Variants in CREBRF observed in about 807,000 individuals in gnomAD.
CREBRF encodes the protein CREB3 regulatory factor, also known as UPF0474 protein C5orf41.
CREBRF carries 5 observed loss-of-function variants against 66.1 expected under a neutral mutation model. The observed-to-expected ratio is 0.08, with a 90% CI of 0.04 to 0.16. The LOEUF (loss-of-function observed/expected upper bound fraction) is 0.16. Ranked by LOEUF, CREBRF falls within the 10% of genes least tolerant of loss-of-function variation. The pLI, the probability that CREBRF is intolerant of heterozygous loss-of-function variation, is 1.00. For synonymous variants in CREBRF, 229 were observed against 264.4 expected, an observed-to-expected ratio of 0.87 and a Z score of 1.30; for missense variants, 531 against 744.9, an observed-to-expected ratio of 0.71 and a Z score of 3.34.
intron 6 of CREBRF, among the ~76,000 whole-genome samples, chr5:173,111,442 T>C (rs1227552184): frequency 6.6e-6 from 1 of 152,208 alleles, no homozygotes; most frequent in Non-Finnish European, 1.5e-5. Context: ...AATTTTTGTA[T>C]TTTTTGTAGA....
intron 4 of CREBRF, among the ~76,000 whole-genome samples, chr5:173,100,130 A>ATTTT: frequency 9.5e-6 from 1 of 105,148 alleles, no homozygotes; most frequent in East Asian, 2.6e-4. Context: ...ATATATATAT[A>ATTTT]ATTTTTTTTT....
At chr5:173,071,991 G>A (rs969941917) in intron 1 of CREBRF, among the ~76,000 whole-genome samples, 6 of 152,120 alleles carry the variant, frequency 3.9e-5, no homozygotes, top group African/African-American at 1.4e-4. Flanking sequence ...GAAGGTGGAA[G>A]TTGCAGTGAG....
At chr5:173,121,144 A>G (rs550920392) in intron 7 of CREBRF, among the ~76,000 whole-genome samples, 154 of 152,304 alleles carry the variant, frequency 1.0e-3, no homozygotes, top group African/African-American at 3.4e-3. Flanking sequence ...CGTTACTGAT[A>G]TGAGTGATTG....
chr5:173,131,052 G>A (rs940275894), intron 8 of CREBRF, among the ~76,000 whole-genome samples: 1 of 152,152 alleles, frequency 6.6e-6, no homozygotes, highest in Non-Finnish European at 1.5e-5. Flanking sequence ...TTCTTGCTGT[G>A]TTGCCCAGGC....
At chr5:173,087,330 G>A (rs1022099629) in intron 3 of CREBRF, among the ~76,000 whole-genome samples, 1 of 151,970 alleles carries the variant, frequency 6.6e-6, no homozygotes, top group Admixed American at 6.5e-5. Flanking sequence ...TGATCTGCCC[G>A]CCTCGGCTTC....
intron 1 of CREBRF, among the ~76,000 whole-genome samples, chr5:173,074,380 C>T (rs1757698820): frequency 6.6e-6 from 1 of 151,830 alleles, no homozygotes; most frequent in African/African-American, 2.4e-5. Context: ...TCCCTGTAAC[C>T]CAAAGATTAA....
At chr5:173,066,808 CTTTTTTT>C (rs34093582) in intron 1 of CREBRF, among the ~76,000 whole-genome samples, 10 of 63,034 alleles carry the variant, frequency 1.6e-4, no homozygotes, top group African/African-American at 3.3e-4. Flanking sequence ...TTCATTGAAT[CTTTTTTT>C]TTTTTTTTTT....
intron 2 of CREBRF, chr5:173,086,160 G>A: frequency 1.3e-6 from 1 of 780,686 alleles, no homozygotes; most frequent in East Asian, 2.4e-5. Context: ...CAGGAGACAT[G>A]TTTTGCCAAC....
chr5:173,090,282 G>C lies in CREBRF; in HGVS notation c.136-33G>C, dbSNP rs369730429. On this transcript the variant is annotated intron_variant, in intron 3 of 8. Transcript: ENST00000296953. The surrounding 1 kb of genome is among the most constrained non-coding windows in gnomAD (Gnocchi z 4.5). ...AGGTGAATATTTCCTTCTGAAATATGATGTGCAATTTCTTTTTTAAAACCT... is the reference window on the plus strand; with the variant it reads ...AGGTGAATATTTCCTTCTGAAATATCATGTGCAATTTCTTTTTTAAAACCT... 8 of 1,529,168 alleles carry C rather than the reference G, an allele frequency of 5.2e-6. No individual in the cohort carries two copies. In the African/African-American group the frequency reaches 9.7e-5, roughly 18 times the overall value. 94.7% of individuals were successfully genotyped at this position (1,529,168 alleles called of 1,614,324 possible). A position where few individuals can be genotyped will look rare whatever the true frequency, so the allele number is the denominator to read the frequency against.
chr5:173,094,443 A>C (rs916724646), intron 4 of CREBRF, among the ~76,000 whole-genome samples: 2 of 152,126 alleles, frequency 1.3e-5, no homozygotes, highest in African/African-American at 2.4e-5. Flanking sequence ...CCTCAATAAC[A>C]CTTGCTTTCA....
At chr5:173,057,343 G>GGA (rs1016123069) in intron 1 of CREBRF, 1 of 152,688 alleles carries the variant, frequency 6.5e-6, no homozygotes, top group East Asian at 1.9e-4. Context: ...TGAGAGGGGA[G>GGA]GAGACAGGGC....
At chr5:173,093,935 C>T (rs1470762549) in intron 4 of CREBRF, among the ~76,000 whole-genome samples, 4 of 152,266 alleles carry the variant, frequency 2.6e-5, no homozygotes, top group South Asian at 4.1e-4. Flanking sequence ...ACCCACCAGC[C>T]CCTGGCAACC....
chr5:173,078,893 T>A (rs751837425), intron 1 of CREBRF, among the ~76,000 whole-genome samples: 11 of 152,172 alleles, frequency 7.2e-5, no homozygotes, highest in Non-Finnish European at 1.0e-4. Context: ...CAAATCCAGG[T>A]TTTATGCCAA....
chr5:173,115,096 T>C lies in CREBRF; in HGVS notation c.1681+2717T>C, dbSNP rs142157627. On this transcript the variant is annotated intron_variant, in intron 7 of 8. Coordinates refer to ENST00000296953, the MANE Select transcript of CREBRF (RefSeq NM_153607.3). The stretch of plus-strand genomic sequence containing the variant: ...TAGATTTTATAGTGTTTTTTCTTTT[T>C]CTTTTCTTTTTCTTTTTTTTTTTTT... Among the ~76,000 whole-genome samples, 474 of 151,968 alleles carry C rather than the reference T, an allele frequency of 3.1e-3. 2 individuals are homozygous for C. Among genetic ancestry groups the C allele is most frequent in the African/African-American group, 0.011 (448 of 41,502 alleles).
chr5:173,096,106 C>T (rs1561806737), intron 4 of CREBRF, among the ~76,000 whole-genome samples: 1 of 152,050 alleles, frequency 6.6e-6, no homozygotes, highest in Non-Finnish European at 1.5e-5. Flanking sequence ...GTAGCTGGGA[C>T]TACAGGTGCC....
intron 3 of CREBRF, 121 bp downstream of exon 3, chr5:173,086,747 A>G: frequency 1.5e-6 from 1 of 681,336 alleles, no homozygotes; most frequent in Non-Finnish European, 2.3e-6. Context: ...GATTCTTATG[A>G]TTATACCTAG....
chr5:173,085,278 C>T, intron 2 of CREBRF: 1 of 640,486 alleles, frequency 1.6e-6, no homozygotes. Flanking sequence ...TTGATTTAAA[C>T]ACTGCTTTTA....
intron 1 of CREBRF, among the ~76,000 whole-genome samples, chr5:173,070,081 G>A (rs1757554319): frequency 6.6e-6 from 1 of 151,848 alleles, no homozygotes; most frequent in Non-Finnish European, 1.5e-5. Flanking sequence ...TTTCAGTAGA[G>A]ATGGTTTCGC....
chr5:173,062,677 A>G (rs1327112422), intron 1 of CREBRF, among the ~76,000 whole-genome samples: 2 of 150,390 alleles, frequency 1.3e-5, no homozygotes, highest in Non-Finnish European at 3.0e-5. Flanking sequence ...CTCTTATTTC[A>G]TACAGGTTTG....
Sources: allele counts gnomAD v4.1 joint callset (sites outside exome capture counted in the v4.1 genomes callset), GRCh38; gene constraint gnomAD v4.1.1; non-coding constraint Gnocchi (gnomAD v3.1); transcripts MANE v1.5; gene names NCBI Gene and HGNC (gene_info 2026-07-23, HGNC 2026-07-21).